The following CDK20 variants were observed in gnomAD, a reference collection of about 807,000 sequenced individuals.
CDK20 encodes cyclin-dependent kinase 20.
In CDK20, 40 loss-of-function variants were observed where a neutral mutation model predicts 38.6. That is an observed-to-expected ratio of 1.04 (90% CI 0.81 to 1.35). CDK20 has a LOEUF of 1.35. CDK20 is among the 40% of genes most tolerant of loss of function. CDK20 has a pLI of 0.00. For synonymous variants in CDK20, 209 were observed against 185.7 expected, an observed-to-expected ratio of 1.13 and a Z score of -1.02; for missense variants, 512 against 452.6, an observed-to-expected ratio of 1.13 and a Z score of -1.19.
At chr9:87,969,635 G>C in intron 6 of CDK20, 161 bp downstream of exon 6, 1 of 1,146,700 alleles carries the variant, frequency 8.7e-7, no homozygotes. Context: ...CCAAATGACA[G>C]CAGGAAGGAG....
rs761594897 is a variant in CDK20, at chr9:87,974,463, G to GCCTGTGCC, written c.-25_-18dup. On this transcript the variant is annotated 5_prime_UTR_variant, in exon 1 of 8. Coordinates refer to ENST00000325303, the MANE Select transcript of CDK20 (RefSeq NM_001039803.3). Reference sequence around the variant, plus strand: ...CTGGTCCATCCCGCTGCAGTCGTGGGCCTGTGCCCCTGTGCCCCTGAACTT... The same window carrying GCCTGTGCC: ...CTGGTCCATCCCGCTGCAGTCGTGGGCCTGTGCCCCTGTGCCCCTGTGCCCCTGAACTT... 86 of 1,606,262 alleles carry GCCTGTGCC rather than the reference G, an allele frequency of 5.4e-5. No individual in the cohort carries two copies. The highest frequency in any genetic ancestry group is 6.8e-5 in the Non-Finnish European group (80 of 1,176,892).
At position 87,974,416 on chromosome 9, in the gene CDK20, C is replaced by T; in HGVS notation, c.31G>A (p.Gly11Arg). Residue 11 changes from glycine to arginine, a missense_variant, in exon 1 of 8, where the codon GGG becomes AGG. Coordinates refer to ENST00000325303, the MANE Select transcript of CDK20 (RefSeq NM_001039803.3). ...AAGACGATGCCGTGGGCGCCCTCCC[C>T]GATGCGGCCCAGGATGCAGTACTGG... is the stretch of plus-strand genomic sequence containing the variant. MDQYCILGRI[G>R]EGAHGIVFKA... The T allele has an allele frequency of 6.2e-7, 1 of 1,612,900 alleles. No individual in the cohort carries two copies. Among genetic ancestry groups the T allele is most frequent in the South Asian group, 1.1e-5 (1 of 91,082 alleles).
chr9:87,971,132 T>C lies in CDK20; in HGVS notation c.378+15A>G. The C allele has an allele frequency of 6.2e-7, 1 of 1,610,986 alleles. No individual in the cohort carries two copies. Among genetic ancestry groups the C allele is most frequent in the East Asian group, 2.2e-5 (1 of 44,746 alleles). ...AGCTCCCCAGACCCCATGCCCGGCCTATGCTGAGACTGACCCGATGTACAA... is the reference window on the plus strand; with the variant it reads ...AGCTCCCCAGACCCCATGCCCGGCCCATGCTGAGACTGACCCGATGTACAA... On this transcript the variant is annotated intron_variant, in intron 3 of 7. Coordinates refer to ENST00000325303, the MANE Select transcript of CDK20 (RefSeq NM_001039803.3).
At chr9:87,971,864 T>C (rs142131830) in intron 2 of CDK20, among the ~76,000 whole-genome samples, 1 of 152,242 alleles carries the variant, frequency 6.6e-6, no homozygotes, top group Non-Finnish European at 1.5e-5. Flanking sequence ...GTTTAACAAA[T>C]AAATGAATAA....
chr9:87,969,470 G>A (rs1829695820), intron 6 of CDK20, 121 bp from the exon 7 acceptor site: 5 of 1,102,594 alleles, frequency 4.5e-6, no homozygotes, highest in Middle Eastern at 2.2e-4. Flanking sequence ...CCATCCATGT[G>A]TCTCCCTGAC....
Position 87,967,276 on chromosome 9 carries a change from C to T in CDK20, c.*186G>A. On this transcript the variant is annotated 3_prime_UTR_variant, in exon 8 of 8. Transcript: ENST00000325303. ...TCTCCTCTGCTCGACTGGATGTTCT[C>T]ATACTCTTGGCTGGGAACATGACCT... 1 of 713,282 alleles carries T rather than the reference C, an allele frequency of 1.4e-6. No homozygotes were observed. The allele number at this position is 713,282 out of a possible 1,614,324, so 44.2% of individuals were successfully genotyped here.
chr9:87,972,796 G>T (rs774194637), intron 2 of CDK20, among the ~76,000 whole-genome samples: 4 of 152,112 alleles, frequency 2.6e-5, no homozygotes, highest in Non-Finnish European at 4.4e-5. Context: ...CTTCCTTATG[G>T]ATCTCTCCAC....
In CDK20 at chr9:87,974,462, GGCCTGT is replaced by G. The variant is rs1417743473; in HGVS notation, c.-22_-17del. 6.2e-7 allele frequency: 1 copy of G among 1,607,094 alleles called. No individual in the cohort carries two copies. Among genetic ancestry groups the G allele is most frequent in the African/African-American group, 1.3e-5 (1 of 74,802 alleles). On this transcript the variant is annotated 5_prime_UTR_variant, in exon 1 of 8. Coordinates refer to ENST00000325303, the MANE Select transcript of CDK20 (RefSeq NM_001039803.3). ...ACTGGTCCATCCCGCTGCAGTCGTG[GGCCTGT>G]GCCCCTGTGCCCCTGAACTTCCAAA...
intron 2 of CDK20, among the ~76,000 whole-genome samples, chr9:87,972,775 C>G (rs949954661): frequency 6.6e-6 from 1 of 152,144 alleles, no homozygotes. Flanking sequence ...ATGTAGGGAC[C>G]ATATCACCAG....
intron 2 of CDK20, among the ~76,000 whole-genome samples, 193 bp from the exon 3 acceptor site, chr9:87,971,528 T>G (rs896715849): frequency 1.1e-4 from 17 of 152,164 alleles, no homozygotes; most frequent in African/African-American, 4.1e-4. Context: ...TGAGATAAGG[T>G]GTGCCCCCAC....
chr9:87,971,584 T>G (rs1371987093), intron 2 of CDK20, among the ~76,000 whole-genome samples: 1 of 152,186 alleles, frequency 6.6e-6, no homozygotes, highest in African/African-American at 2.4e-5. Flanking sequence ...GGTCATTTAG[T>G]GGCACCATCT....
intron 6 of CDK20, 185 bp downstream of exon 6, chr9:87,969,611 G>T: frequency 1.0e-6 from 1 of 955,304 alleles, no homozygotes; most frequent in Non-Finnish European, 1.6e-6. Flanking sequence ...ACAAAGGACA[G>T]GATCTACCCC....
In CDK20 at chr9:87,969,299, C is replaced by CACCT; in HGVS notation, c.734_737dup (p.Pro247GlyfsTer11). 6.2e-7 allele frequency: 1 copy of CACCT among 1,614,064 alleles called. No individual in the cohort carries two copies. Among genetic ancestry groups the CACCT allele is most frequent in the Non-Finnish European group, 8.5e-7 (1 of 1,179,962 alleles). ...GCAGCACCTCCTCCAGGGGCATGGGCACCTGCTCCTTAAAGGAGATCTTGT... is the reference window on the plus strand; with the variant it reads ...GCAGCACCTCCTCCAGGGGCATGGGCACCTACCTGCTCCTTAAAGGAGATCTTGT... On this transcript the variant is annotated frameshift_variant, in exon 7 of 8. Coordinates refer to ENST00000325303, the MANE Select transcript of CDK20 (RefSeq NM_001039803.3). LOFTEE classifies it high-confidence loss of function.
chr9:87,973,975 T>C lies in CDK20; in HGVS notation c.136A>G (p.Asn46Asp), dbSNP rs531677791. 5.0e-6 allele frequency: 8 copies of C among 1,614,012 alleles called. No homozygotes were observed. Among genetic ancestry groups the C allele is most frequent in the Admixed American group, 3.3e-5 (2 of 59,994 alleles). ...GCCTTAATCTCCCGCAGGGCCTGGT[T>C]AGGGAAGCCGTCCTCCAACCGCCTT... ...ALRRLEDGFP[N>D]QALREIKALQ... is the part of the protein sequence containing the mutation. Residue 46 changes from asparagine to aspartate, a missense_variant, in exon 2 of 8, where the codon AAC becomes GAC. Physicochemically the swap from Asn to Asp is conservative, Grantham distance 23. Transcript: ENST00000325303.
At chr9:87,973,246 C>T (rs909166563) in intron 2 of CDK20, among the ~76,000 whole-genome samples, 1 of 152,176 alleles carries the variant, frequency 6.6e-6, no homozygotes, top group Non-Finnish European at 1.5e-5. Context: ...AAAGATGCCC[C>T]TCTTCGTGTT....
chr9:87,971,468 C>T (rs1468091644), intron 2 of CDK20, 133 bp from the exon 3 acceptor site: 7 of 760,884 alleles, frequency 9.2e-6, no homozygotes, highest in Middle Eastern at 2.4e-4. Context: ...GTGACGTGGA[C>T]CTGAGCTAAG....
chr9:87,967,660 C>A lies in CDK20; in HGVS notation c.844-1G>T. ...TGAAGAAGTACTGATGGAGGAGAGC[C>A]TGAGGGTGGCAAGTAAGGAACAGCA... is the stretch of plus-strand genomic sequence containing the variant. On this transcript the variant is annotated splice_acceptor_variant, in intron 7 of 7. Coordinates refer to ENST00000325303, the MANE Select transcript of CDK20 (RefSeq NM_001039803.3). LOFTEE classifies it high-confidence loss of function. The A allele has an allele frequency of 6.8e-7, 1 of 1,467,504 alleles. No homozygotes were observed. The highest frequency in any genetic ancestry group is 9.0e-7 in the Non-Finnish European group (1 of 1,106,718). The allele number at this position is 1,467,504 out of a possible 1,614,324, so 90.9% of individuals were successfully genotyped here.
intron 1 of CDK20, 56 bp downstream of exon 1, chr9:87,974,316 C>G: frequency 6.5e-7 from 1 of 1,546,514 alleles, no homozygotes; most frequent in Admixed American, 1.7e-5. Context: ...AGAGCGTTAG[C>G]CGGAGGGTGG....
chr9:87,967,550 G>A lies in CDK20; in HGVS notation c.953C>T (p.Pro318Leu). The A allele has an allele frequency of 1.3e-6, 2 of 1,553,312 alleles. No homozygotes were observed. Among genetic ancestry groups the A allele is most frequent in the Non-Finnish European group, 1.7e-6 (2 of 1,147,918 alleles). ...GPAPKAHPGP[P>L]HIHDFHVDRP... ...GTCCACGTGGAAGTCATGGATGTGG[G>A]GGGGCCCTGGATGGGCCTTGGGGGC... Residue 318 changes from proline (P) to leucine (L), a missense_variant, in exon 8 of 8, where the codon CCC (proline) becomes CTC (leucine). By Grantham distance (98) the Pro-to-Leu change is moderately conservative (BLOSUM62 -3). Coordinates refer to ENST00000325303, the MANE Select transcript of CDK20 (RefSeq NM_001039803.3).
Sources: allele counts gnomAD v4.1 joint callset (sites outside exome capture counted in the v4.1 genomes callset), GRCh38; gene constraint gnomAD v4.1.1; transcripts MANE v1.5; gene names NCBI Gene and HGNC (gene_info 2026-07-23, HGNC 2026-07-21).